The following XPO4 variants were observed in gnomAD, a reference collection of about 807,000 sequenced individuals.
XPO4 encodes exportin 4.
A neutral mutation model predicts 143.0 loss-of-function variants in XPO4; 39 were observed. The ratio of observed to expected loss-of-function variants is 0.27; its 90% CI spans 0.21 to 0.36. The LOEUF is 0.36. Among genes scored for constraint, XPO4 ranks in the 10% least tolerant of loss-of-function variants. XPO4 has a pLI of 1.00. For synonymous variants in XPO4, 439 were observed against 474.0 expected, an observed-to-expected ratio of 0.93 and a Z score of 0.96; for missense variants, 907 against 1,348.0, an observed-to-expected ratio of 0.67 and a Z score of 5.12.
chr13:20,884,934 AAG>A (rs2138166848), intron 1 of XPO4, among the ~76,000 whole-genome samples: 1 of 152,258 alleles, frequency 6.6e-6, no homozygotes, highest in South Asian at 2.1e-4. Context: ...ATTAAGTAAA[AAG>A]AGAGGTTTTT....
chr13:20,858,063 C>G, intron 3 of XPO4: 1 of 825,646 alleles, frequency 1.2e-6, no homozygotes, highest in Non-Finnish European at 1.5e-6. Flanking sequence ...CTACAAGATA[C>G]AAATATCTGT....
chr13:20,851,065 A>G, intron 4 of XPO4: 5 of 985,376 alleles, frequency 5.1e-6, no homozygotes, highest in Non-Finnish European at 4.8e-6. Flanking sequence ...TTTCTTACAG[A>G]GGTTTTAATC....
intron 1 of XPO4, among the ~76,000 whole-genome samples, chr13:20,885,808 A>C (rs1046300729): frequency 8.5e-6 from 1 of 117,560 alleles, no homozygotes; most frequent in African/African-American, 3.2e-5. Flanking sequence ...TGAAAAAATA[A>C]AATAAGTTTA....
intron 1 of XPO4, among the ~76,000 whole-genome samples, chr13:20,877,673 A>G (rs1285835599): frequency 6.6e-6 from 1 of 152,212 alleles, no homozygotes; most frequent in Non-Finnish European, 1.5e-5. Flanking sequence ...AACTAAACCT[A>G]TCTTTTTAAA....
Position 20,809,891 on chromosome 13 carries a change from T to G in XPO4, c.1250A>C (p.Asp417Ala). 1 of 1,614,020 alleles carries G rather than the reference T, an allele frequency of 6.2e-7. No homozygotes were observed. Among genetic ancestry groups the G allele is most frequent in the East Asian group, 2.2e-5 (1 of 44,858 alleles). Residue 417 changes from aspartate to alanine, a missense_variant, in exon 10 of 23, where the codon GAC becomes GCC. Transcript: ENST00000255305. ...LESWLTLVQD[D>A]KHFHKGFFTQ... ...AAAAAAGCCTTTATGGAAATGTTTG[T>G]CATCTTGAACCAAAGTTAACCAGGA...
chr13:20,837,352 T>C (rs2059928261), intron 6 of XPO4, among the ~76,000 whole-genome samples: 1 of 152,200 alleles, frequency 6.6e-6, no homozygotes, highest in African/African-American at 2.4e-5. Flanking sequence ...AAATTGTTCC[T>C]AGTTGAGAAT....
At chr13:20,853,957 A>G (rs985926421) in intron 4 of XPO4, among the ~76,000 whole-genome samples, 5 of 152,150 alleles carry the variant, frequency 3.3e-5, no homozygotes, top group African/African-American at 7.2e-5. Flanking sequence ...ATAAAACTTA[A>G]TATCACACAA....
At chr13:20,804,945 C>G (rs1404316799) in intron 13 of XPO4, among the ~76,000 whole-genome samples, 1 of 139,104 alleles carries the variant, frequency 7.2e-6, no homozygotes, top group Admixed American at 7.9e-5. Context: ...GGTTTTTTTG[C>G]ATTTTGTTTT....
chr13:20,859,386 G>C (rs1380748065), intron 3 of XPO4, among the ~76,000 whole-genome samples: 1 of 152,260 alleles, frequency 6.6e-6, no homozygotes, highest in South Asian at 2.1e-4. Flanking sequence ...GGATCACGAG[G>C]TCAGGAAATG....
At chr13:20,818,449 C>T (rs1184159251) in intron 9 of XPO4, among the ~76,000 whole-genome samples, 1 of 152,174 alleles carries the variant, frequency 6.6e-6, no homozygotes, top group Admixed American at 6.5e-5. Flanking sequence ...ACAACGTTAC[C>T]ACCATCAAAG....
Position 20,785,113 on chromosome 13 carries a change from CCA to C in XPO4, c.3259-1196_3259-1195del, listed in dbSNP as rs551284161. Among the ~76,000 whole-genome samples, 267 of 152,298 alleles carry C rather than the reference CCA, an allele frequency of 1.8e-3. 1 individual carries two copies. The highest frequency in any genetic ancestry group is 3.0e-3 in the Non-Finnish European group (205 of 68,036). On this transcript the variant is annotated intron_variant, in intron 22 of 22. Coordinates refer to ENST00000255305, the MANE Select transcript of XPO4 (RefSeq NM_022459.5). ...AAGCTCCCAGCCTCAATCAATCCAC[CCA>C]CCTTGGTCTCCCAAAGTGCAAAAAT...
In XPO4 at chr13:20,868,586, G is replaced by T; in HGVS notation, c.175+10C>A. On this transcript the variant is annotated intron_variant, in intron 2 of 22. Transcript: ENST00000255305. ...CCAAAATATTTTATATTTTTTAAGT[G>T]AATACTTACCCAAAATATGCTTGCA... is the stretch of plus-strand genomic sequence containing the variant. The T allele has an allele frequency of 1.2e-6, 2 of 1,609,892 alleles. No individual in the cohort carries two copies.
At chr13:20,787,907 C>T (rs1256644963) in intron 20 of XPO4, among the ~76,000 whole-genome samples, 1 of 152,178 alleles carries the variant, frequency 6.6e-6, no homozygotes, top group African/African-American at 2.4e-5. Flanking sequence ...CCCAGCTCAA[C>T]ATTACTAATG....
At position 20,846,468 on chromosome 13, in the gene XPO4, G is replaced by A. The variant is rs572492001; in HGVS notation, c.457-2582C>T. ...TGGCATGGAACTGCTTTTTAGTTAC[G>A]GCAATGAATATATCCCTCCAAAACA... On this transcript the variant is annotated intron_variant, in intron 4 of 22. Coordinates refer to ENST00000255305, the MANE Select transcript of XPO4 (RefSeq NM_022459.5). 2.6e-5 allele frequency among the ~76,000 whole-genome samples: 4 copies of A among 152,172 alleles called. No homozygotes were observed. The South Asian group carries it at 6.2e-4, about 24-fold the overall frequency.
Position 20,779,557 on chromosome 13 carries a change from A to T in XPO4, c.*4165T>A, listed in dbSNP as rs935646158. On this transcript the variant is annotated 3_prime_UTR_variant, in exon 23 of 23. Coordinates refer to ENST00000255305, the MANE Select transcript of XPO4 (RefSeq NM_022459.5). ...GGTGAAGATCAAACCACAGTGGGAG[A>T]GGAGGGTAAAGATGTGAGCTTCAAG... The T allele has an allele frequency of 1.3e-5, 2 of 152,326 alleles. No homozygotes were observed. The highest frequency in any genetic ancestry group is 2.4e-5 in the African/African-American group (1 of 41,378). The allele number at this position is 152,326 out of a possible 1,614,324, so 9.4% of individuals were successfully genotyped here. A position where few individuals can be genotyped will look rare whatever the true frequency, so the allele number is the denominator to read the frequency against.
At chr13:20,860,921 T>C (rs2060190680) in intron 3 of XPO4, among the ~76,000 whole-genome samples, 1 of 147,390 alleles carries the variant, frequency 6.8e-6, no homozygotes, top group South Asian at 2.1e-4. Flanking sequence ...TGTTCTCTCC[T>C]GTATTTTTTT....
At chr13:20,804,618 G>A (rs563998858) in intron 13 of XPO4, among the ~76,000 whole-genome samples, 48 of 152,252 alleles carry the variant, frequency 3.2e-4, no homozygotes, top group African/African-American at 1.1e-3. Flanking sequence ...GGCACGCATA[G>A]GAGTTGAAAT....
intron 4 of XPO4, chr13:20,851,944 G>A: frequency 1.0e-6 from 1 of 985,278 alleles, no homozygotes; most frequent in Non-Finnish European, 1.2e-6. Flanking sequence ...GGTTGCAGTG[G>A]GACTAGTTTT....
At chr13:20,821,234 A>C (rs1438644079) in intron 9 of XPO4, among the ~76,000 whole-genome samples, 1 of 152,176 alleles carries the variant, frequency 6.6e-6, no homozygotes, top group African/African-American at 2.4e-5. Context: ...AGTCTAACCA[A>C]AATAAGCAAG....
Sources: allele counts gnomAD v4.1 joint callset (sites outside exome capture counted in the v4.1 genomes callset), GRCh38; gene constraint gnomAD v4.1.1; transcripts MANE v1.5; gene names NCBI Gene and HGNC (gene_info 2026-07-23, HGNC 2026-07-21).